Variants in DMXL2 observed in about 807,000 individuals in gnomAD.
The protein encoded by DMXL2 is dmX-like protein 2.
Under a neutral mutation model 331.1 loss-of-function variants are expected in DMXL2, and 103 were observed. The observed-to-expected ratio is 0.31, with a 90% CI of 0.27 to 0.37. The LOEUF (loss-of-function observed/expected upper bound fraction) is 0.37, where lower values mean the gene tolerates loss of function less well. DMXL2 is among the 10% of genes least tolerant of loss of function. The pLI is 1.00. For synonymous variants in DMXL2, 1,281 were observed against 1,252.1 expected (o/e 1.02, Z -0.49); for missense variants, 3,171 against 3,642.9 (o/e 0.87, Z 3.33).
At chr15:51,557,199 G>A (rs1404967386) in intron 6 of DMXL2, among the ~76,000 whole-genome samples, 1 of 152,110 alleles carries the variant, frequency 6.6e-6, no homozygotes. Context: ...TAAGGGTGCT[G>A]GGCATAAAGC....
intron 19 of DMXL2, among the ~76,000 whole-genome samples, chr15:51,494,726 G>C (rs1035964864): frequency 1.3e-5 from 2 of 151,980 alleles, no homozygotes; most frequent in Non-Finnish European, 2.9e-5. Context: ...AGATATTCAG[G>C]GCTACTCTGT....
chr15:51,509,382 C>T (rs955476867), intron 15 of DMXL2, among the ~76,000 whole-genome samples: 2 of 151,930 alleles, frequency 1.3e-5, no homozygotes, highest in Non-Finnish European at 2.9e-5. Context: ...GCTATCATCA[C>T]TGATCCCACA....
intron 19 of DMXL2, among the ~76,000 whole-genome samples, chr15:51,492,739 A>C (rs770904686): frequency 1.3e-5 from 2 of 152,242 alleles, no homozygotes; most frequent in Non-Finnish European, 2.9e-5. Context: ...CTTGGAAAGA[A>C]GCCAAACTAG....
chr15:51,565,910 G>A (rs550395245), intron 3 of DMXL2, among the ~76,000 whole-genome samples: 16 of 152,168 alleles, frequency 1.1e-4, no homozygotes, highest in Non-Finnish European at 1.5e-4. Context: ...ATGTATACAA[G>A]GTTTCCTGAC....
intron 43 of DMXL2, 93 bp from the exon 44 acceptor site, chr15:51,449,286 T>G: frequency 7.9e-7 from 1 of 1,272,068 alleles, no homozygotes; most frequent in South Asian, 1.3e-5. Flanking sequence ...GTGATCTCAC[T>G]AAAGCCCAAC....
chr15:51,472,761 T>C (rs2041240333), intron 28 of DMXL2, among the ~76,000 whole-genome samples: 1 of 152,188 alleles, frequency 6.6e-6, no homozygotes. Flanking sequence ...TTGTTGATCC[T>C]TTCATCCTTG....
At chr15:51,527,769 A>C (rs1385968880) in intron 13 of DMXL2, among the ~76,000 whole-genome samples, 2 of 152,188 alleles carry the variant, frequency 1.3e-5, no homozygotes, top group African/African-American at 2.4e-5. Context: ...CTCACTGGTA[A>C]TAGTAAGTAC....
At chr15:51,616,394 A>C (rs1474066522) in intron 1 of DMXL2, among the ~76,000 whole-genome samples, 1 of 152,222 alleles carries the variant, frequency 6.6e-6, no homozygotes, top group Non-Finnish European at 1.5e-5. Flanking sequence ...CACACACACA[A>C]AAATAAGAAG....
intron 1 of DMXL2, among the ~76,000 whole-genome samples, chr15:51,614,635 T>C (rs1370119318): frequency 6.6e-6 from 1 of 152,228 alleles, no homozygotes; most frequent in Non-Finnish European, 1.5e-5. Context: ...AATAGCCTTA[T>C]GAAAAGATCA....
At position 51,537,774 on chromosome 15, in the gene DMXL2, A is replaced by C. The variant is rs972403296; in HGVS notation, c.1346-15T>G. 1.1e-5 allele frequency: 18 copies of C among 1,604,594 alleles called. No homozygotes were observed. Among genetic ancestry groups the C allele is most frequent in the Non-Finnish European group, 1.4e-5 (17 of 1,174,994 alleles). On this transcript the variant is annotated splice_polypyrimidine_tract_variant and intron_variant, in intron 10 of 43. Transcript: ENST00000560891. ...CAGGGATAAATCTGAACCAGAAAAT[A>C]TATTTATCAATACAAGCATTAAATA... is the stretch of plus-strand genomic sequence containing the variant.
intron 2 of DMXL2, among the ~76,000 whole-genome samples, chr15:51,575,351 C>T (rs549985007): frequency 3.3e-5 from 5 of 152,214 alleles, no homozygotes; most frequent in African/African-American, 1.2e-4. Context: ...TAAACTGTTA[C>T]AATGATTACA....
intron 18 of DMXL2, among the ~76,000 whole-genome samples, chr15:51,496,346 T>C (rs1384281090): frequency 6.6e-6 from 1 of 152,168 alleles, no homozygotes; most frequent in African/African-American, 2.4e-5. Context: ...TAGGGAATGC[T>C]GGAGTAAGAG....
At position 51,576,183 on chromosome 15, in the gene DMXL2, T is replaced by TAAAAAAAAA. The variant is rs3078066; in HGVS notation, c.88-11_88-3dup. ...AATATCACAGCCTGATCCATATGCC[T>TAAAAAAAAA]AAAAAAAAAAAAAAAAAAAAGTTTT... On this transcript the variant is annotated splice_region_variant and splice_polypyrimidine_tract_variant and intron_variant, in intron 1 of 43. Coordinates refer to ENST00000560891, the MANE Select transcript of DMXL2 (RefSeq NM_001378457.1). The TAAAAAAAAA allele has an allele frequency of 1.2e-3, 784 of 628,332 alleles. 50 individuals carry two copies. Among genetic ancestry groups the TAAAAAAAAA allele is most frequent in the African/African-American group, 1.7e-3 (47 of 27,286 alleles). 38.9% of individuals were successfully genotyped at this position (628,332 alleles called of 1,614,324 possible).
intron 1 of DMXL2, among the ~76,000 whole-genome samples, chr15:51,578,888 T>G (rs1223462580): frequency 1.3e-5 from 2 of 152,188 alleles, no homozygotes; most frequent in Admixed American, 1.3e-4. Flanking sequence ...GAAGATCACT[T>G]GAGCCTAGGA....
chr15:51,564,401 AT>A, intron 4 of DMXL2, 141 bp from the exon 5 acceptor site: 6 of 556,864 alleles, frequency 1.1e-5, no homozygotes, highest in Non-Finnish European at 1.7e-5. Flanking sequence ...CTTGGTATAT[AT>A]TTTTTTAAAG....
intron 27 of DMXL2, among the ~76,000 whole-genome samples, chr15:51,475,224 G>C (rs1178045087): frequency 6.6e-6 from 1 of 152,170 alleles, no homozygotes; most frequent in African/African-American, 2.4e-5. Flanking sequence ...GGGCACGGTG[G>C]CTCACACCTG....
In DMXL2 at chr15:51,448,959, G is replaced by A; in HGVS notation, c.*25C>T. 2 of 1,606,950 alleles carry A rather than the reference G, an allele frequency of 1.2e-6. No individual in the cohort carries two copies. The highest frequency in any genetic ancestry group is 1.7e-6 in the Non-Finnish European group (2 of 1,174,938). On this transcript the variant is annotated 3_prime_UTR_variant, in exon 44 of 44. Coordinates refer to ENST00000560891, the MANE Select transcript of DMXL2 (RefSeq NM_001378457.1). ...CTGTAGTGTGCCTTTTAACTGAAAT[G>A]TATATAAAAATAAAACCCCAATCTT...
intron 1 of DMXL2, among the ~76,000 whole-genome samples, chr15:51,593,397 A>G (rs1039971690): frequency 1.3e-5 from 2 of 152,200 alleles, no homozygotes; most frequent in African/African-American, 4.8e-5. Flanking sequence ...TAATACAGGA[A>G]CACCCAGATT....
intron 38 of DMXL2, 48 bp from the exon 39 acceptor site, chr15:51,456,241 A>G (rs772451700): frequency 1.2e-5 from 20 of 1,602,000 alleles, no homozygotes; most frequent in Non-Finnish European, 1.5e-5. Flanking sequence ...AAGAGTTCCA[A>G]TATTTTCTAT....
Sources: gnomAD v4.1 joint callset for allele counts (sites outside exome capture counted in the v4.1 genomes callset) on GRCh38, gnomAD v4.1.1 for gene constraint, MANE v1.5 for transcripts, NCBI Gene and HGNC (gene_info 2026-07-23, HGNC 2026-07-21) for gene names.